The following MASP1 variants were observed in gnomAD, a reference collection of about 807,000 sequenced individuals.
MASP1 encodes MBL associated serine protease 1.
MASP1 carries 59 observed loss-of-function variants against 77.1 expected under a neutral mutation model. The ratio of observed to expected loss-of-function variants is 0.77; its 90% CI spans 0.62 to 0.95. MASP1 has a LOEUF of 0.95. Among genes scored for constraint, MASP1 ranks in the 40% least tolerant of loss-of-function variants. The pLI, the probability that MASP1 is intolerant of heterozygous loss-of-function variation, is 0.00. For synonymous variants in MASP1, 362 were observed against 354.5 expected (o/e 1.02, Z -0.24); for missense variants, 885 against 912.9 (o/e 0.97, Z 0.39).
Position 187,241,542 on chromosome 3 carries a change from A to G in MASP1, c.1242T>C (p.Cys414=), listed in dbSNP as rs768127588. 1.4e-5 allele frequency: 22 copies of G among 1,613,082 alleles called. No individual in the cohort carries two copies. In the South Asian group the frequency reaches 2.4e-4, roughly 18 times the overall value. Reference sequence around the variant, plus strand: ...TATTCATCCAGACTCCTTGGGCAGAACAGGTATATATACCTGGATTAGTGA... The same window carrying G: ...TATTCATCCAGACTCCTTGGGCAGAGCAGGTATATATACCTGGATTAGTGA... ...MLNNNTGIYT[C]SAQGVWMNKV... The change falls in exon 10 of 11, where the codon TGT becomes TGC. Residue 414 remains cysteine (C), a synonymous_variant. Transcript: ENST00000296280.
intron 9 of MASP1, 114 bp downstream of exon 9, chr3:187,243,370 G>T: frequency 9.3e-7 from 1 of 1,071,108 alleles, no homozygotes; most frequent in Non-Finnish European, 1.5e-6. Context: ...GCATTATCAG[G>T]CTCTACACAC....
Position 187,235,564 on chromosome 3 carries a change from A to C in MASP1, c.*120T>G. ...GTCCTGGGGGCTGTCTCGGTAGGAG[A>C]AGCCACCGCTAGGTCAGTGTGTTCC... is the stretch of plus-strand genomic sequence containing the variant. On this transcript the variant is annotated 3_prime_UTR_variant, in exon 11 of 11. Coordinates refer to ENST00000296280, the MANE Select transcript of MASP1 (RefSeq NM_139125.4). 6.4e-7 allele frequency: 1 copy of C among 1,559,046 alleles called. No individual in the cohort carries two copies. Among genetic ancestry groups the C allele is most frequent in the Non-Finnish European group, 8.6e-7 (1 of 1,161,236 alleles).
At chr3:187,229,717 G>A (rs368833565), downstream of MASP1, 1 of 1,610,608 alleles carries the variant, frequency 6.2e-7, no homozygotes, top group East Asian at 2.2e-5. Context: ...TCCAAGGAGG[G>A]GGTTCAGTTC....
exon 16 of MASP1, chr3:187,219,661 G>A (rs912662442): frequency 3.1e-5 from 8 of 258,758 alleles, no homozygotes; most frequent in Non-Finnish European, 5.4e-5. Context: ...TAGACACATC[G>A]ACCTTCTGCT....
intron 8 of MASP1, chr3:187,246,218 C>T (rs916876368): frequency 8.3e-6 from 2 of 239,592 alleles, no homozygotes; most frequent in Admixed American, 1.3e-4. Flanking sequence ...TGTTCTGGAA[C>T]TCTTCACTCA....
Position 187,236,581 on chromosome 3 carries a change from G to C in MASP1, c.1304-14C>G. 2 of 1,613,746 alleles carry C rather than the reference G, an allele frequency of 1.2e-6. No individual in the cohort carries two copies. Among genetic ancestry groups the C allele is most frequent in the South Asian group, 1.1e-5 (1 of 91,088 alleles). The stretch of plus-strand genomic sequence containing the variant: ...GCTGACCACACTCTGTAAGGAGAAA[G>C]AGGGAGCAGGGACAAGAGACAGAGA... On this transcript the variant is annotated splice_polypyrimidine_tract_variant and intron_variant, in intron 10 of 10. Coordinates refer to ENST00000296280, the MANE Select transcript of MASP1 (RefSeq NM_139125.4).
intron 6 of MASP1, among the ~76,000 whole-genome samples, chr3:187,252,895 ATTTCTT>A (rs1242805001): frequency 5.3e-5 from 8 of 152,310 alleles, no homozygotes; most frequent in Non-Finnish European, 8.8e-5. Context: ...AGGAAACAAG[ATTTCTT>A]TTTCTTTAAT....
chr3:187,240,801 T>C (rs1449248349), intron 10 of MASP1, among the ~76,000 whole-genome samples: 7 of 152,264 alleles, frequency 4.6e-5, no homozygotes, highest in Non-Finnish European at 7.4e-5. Flanking sequence ...CTGGCTAATT[T>C]TTTTTTCTAT....
intron 13 of MASP1, chr3:187,223,282 G>T: frequency 1.9e-6 from 2 of 1,044,384 alleles, no homozygotes; most frequent in Non-Finnish European, 3.0e-6. Flanking sequence ...ATCCTCTTCT[G>T]TGGAGGAAAG....
In MASP1 at chr3:187,236,168, T is replaced by A. The variant is rs920252263; in HGVS notation, c.1703A>T (p.His568Leu). ...QLQEPVPLGP[H>L]VMPVCLPRLE... ...CCTTGGCAGGCAGACAGGCATAACG[T>A]GGGGTCCCAGGGGCACAGGCTCCTG... The change falls in exon 11 of 11, where the codon CAC (histidine) becomes CTC (leucine). Residue 568 changes from histidine to leucine, a missense_variant. Physicochemically the swap from His to Leu is moderately conservative, Grantham distance 99. Transcript: ENST00000296280. The A allele has an allele frequency of 6.2e-6, 10 of 1,614,024 alleles. No individual in the cohort carries two copies. The highest frequency in any genetic ancestry group is 8.5e-6 in the Non-Finnish European group (10 of 1,180,032).
At position 187,236,195 on chromosome 3, in the gene MASP1, A is replaced by G; in HGVS notation, c.1676T>C (p.Leu559Pro). 6.2e-7 allele frequency: 1 copy of G among 1,614,152 alleles called. No individual in the cohort carries two copies. The highest frequency in any genetic ancestry group is 8.5e-7 in the Non-Finnish European group (1 of 1,180,038). The change falls in exon 11 of 11, where the codon CTG (leucine) becomes CCG (proline). Residue 559 changes from leucine to proline, a missense_variant. By Grantham distance (98) the Leu-to-Pro change is moderately conservative. Transcript: ENST00000296280. ...GGGTCCCAGGGGCACAGGCTCCTGC[A>G]GCTGCACCAGAGCTATATCGTGGTT... ...NYNHDIALVQLQEPVPLGPHV... is the reference protein window; with the variant it reads ...NYNHDIALVQPQEPVPLGPHV...
chr3:187,291,532 C>T (rs1385035409), intron 1 of MASP1, 96 bp downstream of exon 1: 20 of 1,480,324 alleles, frequency 1.4e-5, no homozygotes, highest in Admixed American at 6.7e-5. Context: ...ATGCAGGACA[C>T]GCAGGTGAGT....
At chr3:187,281,222 G>A (rs1418368622) in intron 2 of MASP1, among the ~76,000 whole-genome samples, 2 of 152,250 alleles carry the variant, frequency 1.3e-5, no homozygotes, top group African/African-American at 4.8e-5. Context: ...GGGAAATCAG[G>A]CAGGAGAGGA....
At chr3:187,227,874 G>T (rs1332291133) in intron 11 of MASP1, among the ~76,000 whole-genome samples, 1 of 152,100 alleles carries the variant, frequency 6.6e-6, no homozygotes, top group Non-Finnish European at 1.5e-5. Context: ...CTCTACCCAG[G>T]TGTCAGTGTG....
intron 2 of MASP1, among the ~76,000 whole-genome samples, chr3:187,275,425 G>T (rs1444768734): frequency 6.6e-6 from 1 of 152,110 alleles, no homozygotes; most frequent in African/African-American, 2.4e-5. Flanking sequence ...CTACAAGAGT[G>T]CTGGAATAAG....
intron 7 of MASP1, 73 bp from the exon 8 acceptor site, chr3:187,250,402 A>G: frequency 1.8e-6 from 2 of 1,084,902 alleles, no homozygotes; most frequent in Non-Finnish European, 2.9e-6. Flanking sequence ...TCCTAGCAAA[A>G]CCAACTCAAG....
chr3:187,263,180 C>G (rs957016652), intron 2 of MASP1: 1 of 215,086 alleles, frequency 4.6e-6, no homozygotes, highest in Non-Finnish European at 9.4e-6. Context: ...AGACACAGTG[C>G]TGTGCACACA....
Position 187,234,440 on chromosome 3 carries a change from C to A in MASP1, c.*1244G>T. Reference sequence around the variant, plus strand: ...GAACCTGCAGGGGACCTTATGCCAGCCTGTTGCTGACGGAGAACCAGAGAC... The same window carrying A: ...GAACCTGCAGGGGACCTTATGCCAGACTGTTGCTGACGGAGAACCAGAGAC... On this transcript the variant is annotated 3_prime_UTR_variant, in exon 11 of 11. Transcript: ENST00000296280. 7.8e-7 allele frequency: 1 copy of A among 1,286,184 alleles called. No homozygotes were observed. The highest frequency in any genetic ancestry group is 1.0e-6 in the Non-Finnish European group (1 of 987,738). 79.7% of individuals were successfully genotyped at this position (1,286,184 alleles called of 1,614,324 possible).
At chr3:187,219,252 A>G (rs1711900151) in exon 16 of MASP1, 1 of 152,224 alleles carries the variant, frequency 6.6e-6, no homozygotes, top group South Asian at 2.1e-4. Flanking sequence ...TTAGATCGTC[A>G]GAGCTTTGAG....
Sources: gnomAD v4.1 joint callset for allele counts (sites outside exome capture counted in the v4.1 genomes callset) on GRCh38, gnomAD v4.1.1 for gene constraint, MANE v1.5 for transcripts, NCBI Gene and HGNC (gene_info 2026-07-23, HGNC 2026-07-21) for gene names.